Variants in SLC44A5 observed in about 807,000 individuals in gnomAD.
SLC44A5 encodes the protein choline transporter-like protein 5.
A neutral mutation model predicts 101.8 loss-of-function variants in SLC44A5; 57 were observed. The observed-to-expected ratio is 0.56, with a 90% CI of 0.45 to 0.70. The LOEUF (loss-of-function observed/expected upper bound fraction) is 0.70. Ranked by LOEUF, SLC44A5 falls within the 30% of genes least tolerant of loss-of-function variation. The pLI is 0.00. For synonymous variants in SLC44A5, 281 were observed against 290.9 expected (o/e 0.97, Z 0.35); for missense variants, 737 against 853.1 (o/e 0.86, Z 1.70).
At chr1:75,492,933 T>A (rs1668498985) in intron 2 of SLC44A5, among the ~76,000 whole-genome samples, 1 of 152,134 alleles carries the variant, frequency 6.6e-6, no homozygotes, top group Non-Finnish European at 1.5e-5. Context: ...GAACAAAAAC[T>A]TTTCCTTGGA....
At chr1:75,648,699 C>T in the SLC44A5 span, among the ~76,000 whole-genome samples, 1 of 152,068 alleles carries the variant, frequency 6.6e-6, no homozygotes, top group African/African-American at 2.4e-5. Flanking sequence ...CTCCCAATCC[C>T]TGTCACTCTA....
intron 3 of SLC44A5, among the ~76,000 whole-genome samples, chr1:75,376,705 G>C (rs966215302): frequency 7.2e-5 from 11 of 151,950 alleles, no homozygotes; most frequent in South Asian, 2.1e-4. Context: ...AAGACCAAAA[G>C]TAGATAAAAC....
intron 2 of SLC44A5, among the ~76,000 whole-genome samples, chr1:75,449,233 T>C (rs1665757320): frequency 1.3e-5 from 2 of 152,212 alleles, no homozygotes; most frequent in African/African-American, 4.8e-5. Flanking sequence ...CAGCTTTAAT[T>C]TTGGCTTGTT....
intron 12 of SLC44A5, 142 bp from the exon 13 acceptor site, chr1:75,227,999 A>C: frequency 1.7e-6 from 1 of 589,844 alleles, no homozygotes; most frequent in Non-Finnish European, 2.8e-6. Flanking sequence ...CACAGCAAAT[A>C]TTTTATTTGG....
intron 1 of SLC44A5, among the ~76,000 whole-genome samples, chr1:75,598,945 T>C (rs1375221613): frequency 6.6e-6 from 1 of 152,108 alleles, no homozygotes; most frequent in Non-Finnish European, 1.5e-5. Context: ...AAAAAGACTA[T>C]TCATAAACAA....
chr1:75,310,980 TGTC>T (rs1655249191), intron 4 of SLC44A5, among the ~76,000 whole-genome samples: 1 of 152,036 alleles, frequency 6.6e-6, no homozygotes, highest in African/African-American at 2.4e-5. Flanking sequence ...CATTTACAGT[TGTC>T]ATTACATTGA....
chr1:75,233,532 T>C (rs947030632), intron 12 of SLC44A5, among the ~76,000 whole-genome samples: 5 of 152,188 alleles, frequency 3.3e-5, no homozygotes, highest in Non-Finnish European at 7.3e-5. Context: ...AATGCTTCAT[T>C]GTGGAGTACC....
At chr1:75,370,624 A>G (rs1025114904) in intron 3 of SLC44A5, among the ~76,000 whole-genome samples, 1 of 152,214 alleles carries the variant, frequency 6.6e-6, no homozygotes, top group Non-Finnish European at 1.5e-5. Flanking sequence ...TTCCTAGCAG[A>G]TATTATATAC....
the SLC44A5 span, among the ~76,000 whole-genome samples, chr1:75,716,246 G>A: frequency 1.1e-4 from 16 of 152,136 alleles, no homozygotes; most frequent in African/African-American, 4.8e-5. Context: ...TTGGGAGGCC[G>A]AGGTGGAGGA....
At chr1:75,463,744 T>C (rs1402063416) in intron 2 of SLC44A5, among the ~76,000 whole-genome samples, 1 of 152,112 alleles carries the variant, frequency 6.6e-6, no homozygotes, top group Non-Finnish European at 1.5e-5. Flanking sequence ...GGAATGTTAA[T>C]TAGTAATAAG....
chr1:75,371,386 A>T lies in SLC44A5; in HGVS notation c.52+25197T>A, dbSNP rs144866903. ...CCTCAAAGGGGTTTTAGATACATTGAGTTAGCATATGTAAAGCAGTAAGAA... is the reference window on the plus strand; with the variant it reads ...CCTCAAAGGGGTTTTAGATACATTGTGTTAGCATATGTAAAGCAGTAAGAA... On this transcript the variant is annotated intron_variant, in intron 3 of 23. Transcript: ENST00000370859. 9.5e-4 allele frequency among the ~76,000 whole-genome samples: 144 copies of T among 152,286 alleles called. 5 individuals carry two copies. The East Asian group carries it at 0.027, about 29-fold the overall frequency.
intron 4 of SLC44A5, among the ~76,000 whole-genome samples, chr1:75,332,668 T>C (rs747246827): frequency 5.9e-5 from 9 of 152,150 alleles, no homozygotes; most frequent in Non-Finnish European, 1.3e-4. Context: ...GAGCCACTTA[T>C]TAGGGATGTT....
At chr1:75,299,039 C>A (rs1214401105) in intron 5 of SLC44A5, among the ~76,000 whole-genome samples, 1 of 152,024 alleles carries the variant, frequency 6.6e-6, no homozygotes, top group African/African-American at 2.4e-5. Flanking sequence ...CATTTCAATT[C>A]TATGATGAAA....
intron 18 of SLC44A5, among the ~76,000 whole-genome samples, chr1:75,216,550 AT>A (rs1646966098): frequency 6.6e-6 from 1 of 151,942 alleles, no homozygotes; most frequent in Admixed American, 6.6e-5. Context: ...ATCATTTGAC[AT>A]TCCCTCCAGC....
At chr1:75,660,380 T>C in the SLC44A5 span, among the ~76,000 whole-genome samples, 1 of 152,080 alleles carries the variant, frequency 6.6e-6, no homozygotes, top group Admixed American at 6.6e-5. Context: ...AGCATAATAC[T>C]GACCGGGAAA....
intron 9 of SLC44A5, among the ~76,000 whole-genome samples, chr1:75,241,167 T>C (rs1459422352): frequency 1.3e-5 from 2 of 152,050 alleles, no homozygotes; most frequent in African/African-American, 4.8e-5. Flanking sequence ...AGCTTTTTTT[T>C]GTAATTAGGA....
At chr1:75,410,796 C>T (rs1426745390) in intron 2 of SLC44A5, among the ~76,000 whole-genome samples, 2 of 152,062 alleles carry the variant, frequency 1.3e-5, no homozygotes, top group African/African-American at 2.4e-5. Context: ...CACTTATTTA[C>T]ATTTTAAATG....
At chr1:75,357,336 C>T (rs546522804) in intron 3 of SLC44A5, 8 of 382,450 alleles carry the variant, frequency 2.1e-5, no homozygotes, top group South Asian at 1.3e-4. Context: ...AAAATGTGAA[C>T]GTGTCCTGAC....
At chr1:75,368,718 T>C (rs1660027718) in intron 3 of SLC44A5, among the ~76,000 whole-genome samples, 1 of 151,998 alleles carries the variant, frequency 6.6e-6, no homozygotes, top group Admixed American at 6.6e-5. Context: ...AATCTTGGTG[T>C]TCTGAAATAT....
Sources: gnomAD v4.1 joint callset for allele counts (sites outside exome capture counted in the v4.1 genomes callset) on GRCh38, gnomAD v4.1.1 for gene constraint, MANE v1.5 for transcripts, NCBI Gene and HGNC (gene_info 2026-07-23, HGNC 2026-07-21) for gene names.